ASB14: variants seen among roughly 807,000 people sequenced by gnomAD.
ASB14 encodes ankyrin repeat and SOCS box protein 14.
In ASB14, 63 loss-of-function variants were observed where a neutral mutation model predicts 55.6. The observed-to-expected ratio is 1.13, with a 90% CI of 0.92 to 1.40. ASB14 has a LOEUF of 1.40. Among genes scored for constraint, ASB14 ranks in the 40% most tolerant of loss-of-function variants. The pLI is 0.00. For synonymous variants in ASB14, 256 were observed against 259.9 expected, an observed-to-expected ratio of 0.98 and a Z score of 0.15; for missense variants, 724 against 710.4, an observed-to-expected ratio of 1.02 and a Z score of -0.22.
intron 2 of ASB14, among the ~76,000 whole-genome samples, chr3:57,291,219 G>A (rs530437713): frequency 6.6e-6 from 1 of 151,540 alleles, no homozygotes; most frequent in African/African-American, 2.4e-5. Flanking sequence ...ATCTCTTGGG[G>A]TTAAAAGACA....
rs2061136521 is a variant in ASB14, at chr3:57,292,016, G to A, written c.18C>T (p.Ser6=). 3 of 1,532,904 alleles carry A rather than the reference G, an allele frequency of 2.0e-6. No homozygotes were observed. The highest frequency in any genetic ancestry group is 2.4e-5 in the South Asian group (2 of 83,926). The allele number at this position is 1,532,904 out of a possible 1,614,324, so 95.0% of individuals were successfully genotyped here. ...CAAAGTCTTCATCTATGTCTTCATC[G>A]CTGGTGTAATTATCCATGTGAAACG... is the stretch of plus-strand genomic sequence containing the variant. MDNYT[S]DEDIDEDFDT... is the part of the protein sequence containing the mutation. The change falls in exon 2 of 11, where the codon AGC becomes AGT. Residue 6 remains serine, a synonymous_variant. Transcript: ENST00000487349.
chr3:57,285,075 G>A (rs1448778251), intron 5 of ASB14, among the ~76,000 whole-genome samples: 2 of 151,616 alleles, frequency 1.3e-5, no homozygotes, highest in East Asian at 1.9e-4. Context: ...CTAGTAGCTG[G>A]GATTACAGGT....
intron 10 of ASB14, 183 bp from the exon 11 acceptor site, chr3:57,269,801 T>C (rs1237825247): frequency 4.1e-6 from 5 of 1,206,776 alleles, no homozygotes; most frequent in Non-Finnish European, 5.8e-6. Context: ...TTATATTTGC[T>C]TATTTGTTGT....
chr3:57,285,366 C>A (rs374688543), intron 5 of ASB14, among the ~76,000 whole-genome samples: 13 of 152,222 alleles, frequency 8.5e-5, no homozygotes, highest in African/African-American at 2.6e-4. Flanking sequence ...TTAGCTGATT[C>A]TTTGCTCTTC....
At position 57,278,493 on chromosome 3, in the gene ASB14, T is replaced by A. The variant is rs752384812; in HGVS notation, c.1315A>T (p.Met439Leu). 1.9e-6 allele frequency: 3 copies of A among 1,614,182 alleles called. No homozygotes were observed. Among genetic ancestry groups the A allele is most frequent in the Admixed American group, 1.7e-5 (1 of 60,024 alleles). The change falls in exon 8 of 11, where the codon ATG (methionine) becomes TTG (leucine). Residue 439 changes from methionine to leucine, a missense_variant. Coordinates refer to ENST00000487349, the MANE Select transcript of ASB14 (RefSeq NM_001142733.3). Reference sequence around the variant, plus strand: ...GTGTCATACCCATAGTTCAGCAGCATCCTGAGCATGACTTCATCTTTCAGA... The same window carrying A: ...GTGTCATACCCATAGTTCAGCAGCAACCTGAGCATGACTTCATCTTTCAGA... ...YTLKDEVMLRMLLNYGYDTER... is the reference protein window; with the variant it reads ...YTLKDEVMLRLLLNYGYDTER...
chr3:57,284,782 G>A (rs1224627668), intron 5 of ASB14, among the ~76,000 whole-genome samples: 1 of 152,160 alleles, frequency 6.6e-6, no homozygotes, highest in East Asian at 1.9e-4. Flanking sequence ...CAGTGCTAGG[G>A]TGCTTTATGG....
chr3:57,289,312 A>C (rs1261565990), intron 2 of ASB14, among the ~76,000 whole-genome samples, 189 bp from the exon 3 acceptor site: 1 of 152,158 alleles, frequency 6.6e-6, no homozygotes, highest in Non-Finnish European at 1.5e-5. Context: ...ACAAAATTCT[A>C]GGGAAGCTCC....
intron 10 of ASB14, chr3:57,271,428 A>G (rs1352011738): frequency 6.6e-6 from 1 of 152,608 alleles, no homozygotes; most frequent in Non-Finnish European, 1.5e-5. Context: ...TGCTTTCACA[A>G]TAGTGTATCA....
intron 5 of ASB14, among the ~76,000 whole-genome samples, chr3:57,285,664 C>T (rs572749436): frequency 6.6e-6 from 1 of 152,126 alleles, no homozygotes; most frequent in Admixed American, 6.5e-5. Flanking sequence ...TCTTATGTTT[C>T]ATTTGCTTAG....
chr3:57,276,606 C>CAT lies in ASB14; in HGVS notation c.1706_1707dup (p.Val570MetfsTer96). 6.2e-7 allele frequency: 1 copy of CAT among 1,613,848 alleles called. No individual in the cohort carries two copies. Among genetic ancestry groups the CAT allele is most frequent in the Non-Finnish European group, 8.5e-7 (1 of 1,179,824 alleles). Reference sequence around the variant, plus strand: ...TAAAGGTCGTATTCTTTGTAAAGGACATATGCTTTTAGACGATTGGGTAAT... The same window carrying CAT: ...TAAAGGTCGTATTCTTTGTAAAGGACATATATGCTTTTAGACGATTGGGTAAT... On this transcript the variant is annotated frameshift_variant, in exon 10 of 11. Transcript: ENST00000487349. LOFTEE classifies it high-confidence loss of function.
chr3:57,281,421 T>G (rs958592642), intron 6 of ASB14, among the ~76,000 whole-genome samples: 7 of 152,052 alleles, frequency 4.6e-5, no homozygotes, highest in Non-Finnish European at 1.5e-5. Context: ...GTGTTCCCAG[T>G]AAAATGGGCT....
intron 5 of ASB14, among the ~76,000 whole-genome samples, chr3:57,287,299 A>G (rs1367644072): frequency 6.6e-6 from 1 of 152,156 alleles, no homozygotes; most frequent in Non-Finnish European, 1.5e-5. Flanking sequence ...CACTATCTTT[A>G]GCTCTTTCTT....
intron 2 of ASB14, 146 bp downstream of exon 2, chr3:57,291,766 G>A: frequency 3.3e-6 from 2 of 603,820 alleles, no homozygotes; most frequent in Non-Finnish European, 5.3e-6. Context: ...TGTCTAGTTA[G>A]GCATAATATC....
chr3:57,284,822 T>C (rs1374777474), intron 5 of ASB14, among the ~76,000 whole-genome samples: 1 of 152,214 alleles, frequency 6.6e-6, no homozygotes, highest in East Asian at 1.9e-4. Context: ...AGAAGGCTTT[T>C]CTGCTCAGTG....
Position 57,288,273 on chromosome 3 carries a change from T to C in ASB14, c.192A>G (p.Ala64=). 6.5e-7 allele frequency: 1 copy of C among 1,537,224 alleles called. No homozygotes were observed. Among genetic ancestry groups the C allele is most frequent in the Non-Finnish European group, 8.7e-7 (1 of 1,146,750 alleles). The change falls in exon 4 of 11, where the codon GCA becomes GCG. Residue 64 remains alanine, a synonymous_variant. Coordinates refer to ENST00000487349, the MANE Select transcript of ASB14 (RefSeq NM_001142733.3). Reference sequence around the variant, plus strand: ...AATGGTACTTGGTTAAGTGTGACAATGCATCTTCCTTACCTATTAACGAGT... The same window carrying C: ...AATGGTACTTGGTTAAGTGTGACAACGCATCTTCCTTACCTATTAACGAGT... ...VETIEKGKED[A]LSHLTKYHSA...
At chr3:57,289,400 C>T (rs921838258) in intron 2 of ASB14, among the ~76,000 whole-genome samples, 32 of 152,070 alleles carry the variant, frequency 2.1e-4, no homozygotes, top group Admixed American at 2.0e-3. Flanking sequence ...TGCAGTAGGC[C>T]CTTAATCAGC....
At chr3:57,282,232 A>T (rs1304463014) in intron 6 of ASB14, among the ~76,000 whole-genome samples, 1 of 152,238 alleles carries the variant, frequency 6.6e-6, no homozygotes, top group Non-Finnish European at 1.5e-5. Flanking sequence ...TAAAAAGCAC[A>T]AGGTTGTTTT....
intron 10 of ASB14, 32 bp from the exon 11 acceptor site, chr3:57,269,650 T>TGGG: frequency 1.2e-6 from 2 of 1,614,068 alleles, no homozygotes; most frequent in Non-Finnish European, 1.7e-6. Context: ...GAGAGTGATT[T>TGGG]GGGAGAAGGA....
intron 10 of ASB14, chr3:57,270,957 T>A (rs2060934030): frequency 6.6e-6 from 1 of 152,182 alleles, no homozygotes; most frequent in Admixed American, 6.5e-5. Flanking sequence ...TTAATTTTTT[T>A]TCTGTAATCA....
Sources: allele counts gnomAD v4.1 joint callset (sites outside exome capture counted in the v4.1 genomes callset), GRCh38; gene constraint gnomAD v4.1.1; transcripts MANE v1.5; gene names NCBI Gene and HGNC (gene_info 2026-07-23, HGNC 2026-07-21).